Variants in DUX4 observed in about 807,000 individuals in gnomAD.
The protein encoded by DUX4 is double homeobox 4.
At chr4:190,181,531 C>CTCGGTGATCAATGCAATGTTATG (rs1742579661) in intron 1 of DUX4, among the ~76,000 whole-genome samples, 1 of 131,766 alleles carries the variant, frequency 7.6e-6, no homozygotes. Flanking sequence ...GTTACATCAC[C>CTCGGTGATCAATGCAATGTTATG]TCGGTGATCA....
At chr4:190,178,366 A>AAAGCC, downstream of DUX4, among the ~76,000 whole-genome samples, 1 of 151,338 alleles carries the variant, frequency 6.6e-6, no homozygotes, top group South Asian at 2.1e-4. Context: ...CCCTGTAGGC[A>AAAGCC]AAGCCTAGGC....
chr4:190,177,529 A>ATGCCCCCATAGGCAG (rs1579832955), downstream of DUX4, among the ~76,000 whole-genome samples: 1 of 151,880 alleles, frequency 6.6e-6, no homozygotes, highest in Non-Finnish European at 1.5e-5. Context: ...TATGTGTCAC[A>ATGCCCCCATAGGCAG]ATTCCCCTTT....
downstream of DUX4, among the ~76,000 whole-genome samples, chr4:190,177,995 A>C (rs1742398243): frequency 9.0e-4 from 118 of 131,376 alleles, no homozygotes; most frequent in Admixed American, 1.6e-3. Flanking sequence ...ATCAGGGCAG[A>C]GATATGTCAC....
chr4:190,175,596 C>G lies in DUX4; in HGVS notation c.*237-51C>G, dbSNP rs1407441213. The G allele has an allele frequency of 1.8e-5, 3 of 168,166 alleles. 1 individual carries two copies. The highest frequency in any genetic ancestry group is 3.0e-4 in the East Asian group (1 of 3,314). 10.4% of individuals were successfully genotyped at this position (168,166 alleles called of 1,614,324 possible). On this transcript the variant is annotated intron_variant, in intron 1 of 1. Coordinates refer to ENST00000565211, the MANE Select transcript of DUX4 (RefSeq NM_001306068.3). ...GCCTCCCAGCTGCCAGCACGGAGCG[C>G]CTGGCGGTCAAAAGCATACCTCTGT...
chr4:190,175,578 A>T (rs1742250046), intron 1 of DUX4, 69 bp from the exon 2 acceptor site: 1 of 177,396 alleles, frequency 5.6e-6, no homozygotes, highest in African/African-American at 2.5e-5. Flanking sequence ...GCAGCCTCCC[A>T]GCTGCCAGCA....
At chr4:190,181,747 T>G (rs1579838049) in intron 1 of DUX4, among the ~76,000 whole-genome samples, 18 of 143,444 alleles carry the variant, frequency 1.3e-4, no homozygotes, top group African/African-American at 2.1e-4. Flanking sequence ...GGGTGATCAG[T>G]GCAGAGATAT....
downstream of DUX4, among the ~76,000 whole-genome samples, chr4:190,179,165 G>GCAGAGATACATCA (rs1742480835): frequency 1.4e-4 from 16 of 117,604 alleles, no homozygotes; most frequent in Admixed American, 3.4e-4. Context: ...GAGATACATT[G>GCAGAGATACATCA]CAATGCCCCT....
chr4:190,178,672 T>TCAGTGCAGAGATATATCA (rs1742441482), downstream of DUX4, among the ~76,000 whole-genome samples: 2 of 152,234 alleles, frequency 1.3e-5, no homozygotes, highest in African/African-American at 2.4e-5. Context: ...ACCTAAGTGA[T>TCAGTGCAGAGATATATCA]CAGTGCAGAG....
downstream of DUX4, among the ~76,000 whole-genome samples, chr4:190,177,163 A>ATAAATGTTACATCACCTGGG (rs1742346232): frequency 1.1e-4 from 13 of 113,626 alleles, no homozygotes; most frequent in Non-Finnish European, 1.8e-4. Flanking sequence ...CATCACCTAG[A>ATAAATGTTACATCACCTGGG]TGATCTGTGC....
At chr4:190,177,957 C>T (rs1742396316), downstream of DUX4, among the ~76,000 whole-genome samples, 219 of 129,880 alleles carry the variant, frequency 1.7e-3, no homozygotes, top group East Asian at 5.4e-3. Flanking sequence ...GTAGGCAGAG[C>T]CTAGACAAGA....
At chr4:190,177,061 A>T (rs1579832360), downstream of DUX4, among the ~76,000 whole-genome samples, 9,848 of 105,448 alleles carry the variant, frequency 0.093, 7 homozygotes, top group Non-Finnish European at 0.1. Flanking sequence ...ATCCCCCTCT[A>T]GGCAGAGTAT....
intron 1 of DUX4, among the ~76,000 whole-genome samples, chr4:190,181,334 TCTCTG>T (rs1742565425): frequency 2.5e-3 from 1 of 396 alleles, no homozygotes; most frequent in Non-Finnish European, 4.8e-3. Flanking sequence ...CCCTGGGTGA[TCTCTG>T]CAAAGATATG....
At chr4:190,181,647 C>CT (rs1742588693) in intron 1 of DUX4, among the ~76,000 whole-genome samples, 1 of 77,074 alleles carries the variant, frequency 1.3e-5, no homozygotes, top group Non-Finnish European at 2.9e-5. Context: ...TAGGCAGAGC[C>CT]TAGACAAGAG....
chr4:190,180,009 C>CCAGATA (rs1742524902), downstream of DUX4, among the ~76,000 whole-genome samples: 1 of 101,056 alleles, frequency 9.9e-6, no homozygotes, highest in Non-Finnish European at 2.0e-5. Flanking sequence ...AGAGCTTAAA[C>CCAGATA]TAGAGTTACA....
At chr4:190,183,685 A>G (rs1456714322) in intron 1 of DUX4, among the ~76,000 whole-genome samples, 1 of 112,790 alleles carries the variant, frequency 8.9e-6, no homozygotes, top group African/African-American at 2.6e-5. Context: ...CCTACGTTCC[A>G]AAAGCCTACT....
At chr4:190,180,149 A>G (rs1742534022), downstream of DUX4, among the ~76,000 whole-genome samples, 1 of 92,424 alleles carries the variant, frequency 1.1e-5, no homozygotes, top group Non-Finnish European at 2.1e-5. Flanking sequence ...CCTAGAGAAG[A>G]GTCCCATCAC....
downstream of DUX4, among the ~76,000 whole-genome samples, chr4:190,179,208 T>A (rs1579835198): frequency 8.5e-4 from 127 of 149,888 alleles, no homozygotes; most frequent in Non-Finnish European, 8.5e-4. Flanking sequence ...GTACATCACC[T>A]GGGTGATCAT....
Position 190,183,066 on chromosome 4 carries a change from T to G in DUX4, n.93-2275T>G, listed in dbSNP as rs1490532669. On this transcript the variant is annotated intron_variant and non_coding_transcript_variant, in intron 1 of 2. Transcript: ENST00000563716. ...GGTTAGGGGTTAGGGCTGGGTTAGG[T>G]TTAGGGTTAGGGTTAGGGTTATGGG... Among the ~76,000 whole-genome samples the G allele has an allele frequency of 5.7e-3, 208 of 36,720 alleles. 9 individuals carry two copies. Among genetic ancestry groups the G allele is most frequent in the African/African-American group, 9.5e-3 (198 of 20,756 alleles). 24.1% of individuals were successfully genotyped at this position (36,720 alleles called of 152,430 possible). A position where few individuals can be genotyped will look rare whatever the true frequency, so the allele number is the denominator to read the frequency against.
downstream of DUX4, among the ~76,000 whole-genome samples, chr4:190,178,882 C>CTG (rs1742459448): frequency 1.4e-5 from 2 of 143,808 alleles, no homozygotes; most frequent in East Asian, 2.1e-4. Context: ...GTGATCAGTG[C>CTG]AGATCTATGT....
Sources: allele counts gnomAD v4.1 joint callset (sites outside exome capture counted in the v4.1 genomes callset), GRCh38; gene constraint gnomAD v4.1.1; transcripts MANE v1.5; gene names NCBI Gene and HGNC (gene_info 2026-07-23, HGNC 2026-07-21).